The following APPL1 variants were observed in gnomAD, a reference collection of about 807,000 sequenced individuals.
APPL1 encodes adaptor protein, phosphotyrosine interacting with PH domain and leucine zipper 1, also known as DCC-interacting protein 13-alpha.
In APPL1, 42 loss-of-function variants were observed where a neutral mutation model predicts 106.8. The ratio of observed to expected loss-of-function variants is 0.39; its 90% CI spans 0.31 to 0.51. The LOEUF is 0.51. Among genes scored for constraint, APPL1 ranks in the 20% least tolerant of loss-of-function variants. APPL1 has a pLI of 0.75. For synonymous variants in APPL1, 263 were observed against 281.8 expected (o/e 0.93, Z 0.67); for missense variants, 769 against 858.2 (o/e 0.90, Z 1.30).
intron 10 of APPL1, among the ~76,000 whole-genome samples, 164 bp from the exon 11 acceptor site, chr3:57,249,196 A>C (rs1178351216): frequency 6.6e-6 from 1 of 152,238 alleles, no homozygotes; most frequent in Non-Finnish European, 1.5e-5. Flanking sequence ...GTCAACATAC[A>C]TGAATTTATT....
At chr3:57,251,493 T>G (rs13097800) in intron 11 of APPL1, among the ~76,000 whole-genome samples, 12 of 148,290 alleles carry the variant, frequency 8.1e-5, no homozygotes, top group Admixed American at 7.4e-4. Context: ...CCACTGCACT[T>G]CAGCCTGGGT....
chr3:57,236,537 AG>A (rs1417150236), intron 2 of APPL1, among the ~76,000 whole-genome samples: 1 of 151,940 alleles, frequency 6.6e-6, no homozygotes, highest in East Asian at 1.9e-4. Context: ...CATGTTGGCC[AG>A]GCTGGTCTCG....
At chr3:57,242,787 G>A (rs911436152) in intron 6 of APPL1, 69 bp from the exon 7 acceptor site, 1 of 1,165,978 alleles carries the variant, frequency 8.6e-7, no homozygotes, top group Admixed American at 1.7e-5. Flanking sequence ...CACATGTGAA[G>A]ACCATTGAAA....
At position 57,248,176 on chromosome 3, in the gene APPL1, A is replaced by T. The variant is rs902273091; in HGVS notation, c.705-17A>T. The stretch of plus-strand genomic sequence containing the variant: ...TTATTGGTTGTGATTTGTAGCAAAT[A>T]ATCTGTTCTGTGTCAGTGTTCGCAG... On this transcript the variant is annotated splice_polypyrimidine_tract_variant and intron_variant, in intron 9 of 21. Coordinates refer to ENST00000288266, the MANE Select transcript of APPL1 (RefSeq NM_012096.3). 3.1e-6 allele frequency: 5 copies of T among 1,597,788 alleles called. No individual in the cohort carries two copies. Among genetic ancestry groups the T allele is most frequent in the Non-Finnish European group, 4.3e-6 (5 of 1,170,736 alleles).
chr3:57,245,602 G>C (rs1227749523), intron 7 of APPL1, among the ~76,000 whole-genome samples: 1 of 151,460 alleles, frequency 6.6e-6, no homozygotes, highest in East Asian at 1.9e-4. Flanking sequence ...GAGTACAGTG[G>C]TGTGATCTTG....
At chr3:57,248,416 T>G (rs777941557) in intron 10 of APPL1, 65 bp downstream of exon 10, 145 of 1,494,884 alleles carry the variant, frequency 9.7e-5, no homozygotes, top group Non-Finnish European at 1.2e-4. Flanking sequence ...ATGAATATAG[T>G]AAATAATTGA....
chr3:57,248,586 AGGGCT>A (rs2060787202), intron 10 of APPL1, among the ~76,000 whole-genome samples: 1 of 152,168 alleles, frequency 6.6e-6, no homozygotes, highest in African/African-American at 2.4e-5. Flanking sequence ...AAGTGAAACC[AGGGCT>A]GGGCATGGTG....
chr3:57,233,235 C>G (rs1579378836), intron 1 of APPL1, among the ~76,000 whole-genome samples: 1 of 151,892 alleles, frequency 6.6e-6, no homozygotes, highest in East Asian at 1.9e-4. Context: ...TTGAGTAGTA[C>G]AAAAATGAAA....
At chr3:57,250,142 TTC>T (rs2107603892) in intron 11 of APPL1, among the ~76,000 whole-genome samples, 2 of 152,248 alleles carry the variant, frequency 1.3e-5, no homozygotes, top group East Asian at 1.9e-4. Context: ...TTTAAAAAAT[TTC>T]TGTTACCTTT....
chr3:57,253,918 T>G (rs1342718644), intron 13 of APPL1, among the ~76,000 whole-genome samples, 180 bp downstream of exon 13: 2 of 150,718 alleles, frequency 1.3e-5, no homozygotes, highest in East Asian at 3.9e-4. Flanking sequence ...GCTGGAGTGC[T>G]GTGGCCTGAT....
intron 1 of APPL1, among the ~76,000 whole-genome samples, chr3:57,230,947 G>C (rs1015154383): frequency 1.6e-4 from 25 of 151,808 alleles, no homozygotes; most frequent in African/African-American, 6.1e-4. Context: ...GCCTAGGCTA[G>C]AGTGCAGTGG....
intron 1 of APPL1, among the ~76,000 whole-genome samples, chr3:57,229,699 CTTTTTTTTTTTTTT>C (rs753258836): frequency 1.7e-4 from 16 of 93,118 alleles, no homozygotes; most frequent in African/African-American, 4.7e-4. Flanking sequence ...ACTGTGCCAG[CTTTTTTTTTTTTTT>C]TTTTTTTTTT....
intron 19 of APPL1, among the ~76,000 whole-genome samples, chr3:57,264,590 A>T (rs1185603614): frequency 4.0e-5 from 6 of 148,294 alleles, no homozygotes; most frequent in African/African-American, 1.0e-4. Context: ...AATAAAAAAA[A>T]ATTTTTTTAA....
chr3:57,241,338 G>A (rs900807370), intron 5 of APPL1, among the ~76,000 whole-genome samples: 3 of 152,110 alleles, frequency 2.0e-5, no homozygotes, highest in African/African-American at 7.2e-5. Flanking sequence ...CTGCAACCTA[G>A]TCGTTTCTGG....
intron 1 of APPL1, among the ~76,000 whole-genome samples, chr3:57,230,248 A>G (rs1477085787): frequency 1.3e-5 from 2 of 152,208 alleles, no homozygotes; most frequent in Non-Finnish European, 1.5e-5. Flanking sequence ...CTTCTGCTTT[A>G]GGGCAAATCA....
rs548464053 is a variant in APPL1 at position 57,270,960 on chromosome 3, T to C, written c.*1273T>C. 1 of 152,300 alleles carries C rather than the reference T, an allele frequency of 6.6e-6. No individual in the cohort carries two copies. The highest frequency in any genetic ancestry group is 2.1e-4 in the South Asian group (1 of 4,824). 9.4% of individuals were successfully genotyped at this position (152,300 alleles called of 1,614,324 possible). ...TTATGTTAAACCTTAATTTTTTTTC[T>C]GTAATCACTTTTAACACTGCTAATA... is the stretch of plus-strand genomic sequence containing the variant. On this transcript the variant is annotated 3_prime_UTR_variant, in exon 22 of 22. Transcript: ENST00000288266.
intron 13 of APPL1, among the ~76,000 whole-genome samples, chr3:57,255,657 A>C (rs2060831499): frequency 6.6e-6 from 1 of 152,234 alleles, no homozygotes; most frequent in Non-Finnish European, 1.5e-5. Flanking sequence ...TATTACAATT[A>C]TGTCTAATAA....
intron 2 of APPL1, among the ~76,000 whole-genome samples, chr3:57,236,380 G>C (rs1306152230): frequency 2.7e-5 from 4 of 149,794 alleles, no homozygotes; most frequent in Admixed American, 1.3e-4. Flanking sequence ...CCAGGCTGGA[G>C]TGCAATGGTG....
chr3:57,235,628 G>C lies in APPL1; in HGVS notation c.117G>C (p.Gln39His). 1 of 1,613,578 alleles carries C rather than the reference G, an allele frequency of 6.2e-7. No homozygotes were observed. The highest frequency in any genetic ancestry group is 1.1e-5 in the South Asian group (1 of 91,016). Residue 39 changes from glutamine to histidine, a missense_variant, in exon 2 of 22, where the codon CAG (glutamine) becomes CAC (histidine). Gln to His is a conservative substitution (Grantham distance 24). Coordinates refer to ENST00000288266, the MANE Select transcript of APPL1 (RefSeq NM_012096.3). Reference sequence around the variant, plus strand: ...CAGCTATTTCCAACTATATGAACCAGTTGTATCAAGCTATGCATCGGATTT... The same window carrying C: ...CAGCTATTTCCAACTATATGAACCACTTGTATCAAGCTATGCATCGGATTT... ...DATAISNYMN[Q>H]LYQAMHRIYD... is the part of the protein sequence containing the mutation.
Sources: allele counts gnomAD v4.1 joint callset (sites outside exome capture counted in the v4.1 genomes callset), GRCh38; gene constraint gnomAD v4.1.1; transcripts MANE v1.5; gene names NCBI Gene and HGNC (gene_info 2026-07-23, HGNC 2026-07-21).